The following AKAP13 variants were observed in gnomAD, a reference collection of about 807,000 sequenced individuals.
AKAP13 encodes A-kinase anchoring protein 13, also known as A-kinase anchor protein 13.
Under a neutral mutation model 264.5 loss-of-function variants are expected in AKAP13, and 80 were observed. The observed-to-expected ratio is 0.30, with a 90% confidence interval of 0.25 to 0.36. AKAP13 has a LOEUF of 0.36. Among genes scored for constraint, AKAP13 ranks in the 10% least tolerant of loss-of-function variants. The probability of loss-of-function intolerance (pLI) is 1.00; values close to 1 mark genes in which losing one functional copy is unlikely to be tolerated. For synonymous variants in AKAP13, 1,380 were observed against 1,250.2 expected (o/e 1.10, Z -2.19); for missense variants, 3,712 against 3,435.2 (o/e 1.08, Z -2.01).
At chr15:85,555,625 G>C (rs1225485977) in intron 5 of AKAP13, 2 of 535,078 alleles carry the variant, frequency 3.7e-6, no homozygotes, top group African/African-American at 3.9e-5. Context: ...GTTAGGATCA[G>C]AAAAGTGTTC....
rs576237223 is a variant in AKAP13, at chr15:85,561,342, G to A, written c.663-13789G>A. On this transcript the variant is annotated intron_variant, in intron 5 of 36. Transcript: ENST00000394518. ...CAAAGTGCTGGGATTACAGGCGTGAGCCACCATGCCCAGCCTCTGGACATA... is the reference window on the plus strand; with the variant it reads ...CAAAGTGCTGGGATTACAGGCGTGAACCACCATGCCCAGCCTCTGGACATA... Among the ~76,000 whole-genome samples the A allele has an allele frequency of 1.7e-3, 264 of 152,336 alleles. 1 individual carries two copies. Among genetic ancestry groups the A allele is most frequent in the Non-Finnish European group, 3.3e-3 (223 of 68,028 alleles).
intron 14 of AKAP13, among the ~76,000 whole-genome samples, chr15:85,679,788 G>A (rs2084482192): frequency 6.6e-6 from 1 of 152,114 alleles, no homozygotes; most frequent in South Asian, 2.1e-4. Flanking sequence ...ATAATACTTT[G>A]CAGGCTAACT....
At chr15:85,647,575 T>C (rs537574099) in intron 10 of AKAP13, among the ~76,000 whole-genome samples, 178 of 152,280 alleles carry the variant, frequency 1.2e-3, no homozygotes, top group Non-Finnish European at 2.1e-3. Context: ...GAAAGACTTA[T>C]TTAATATGAT....
chr15:85,570,052 G>A (rs1380570768), intron 5 of AKAP13, among the ~76,000 whole-genome samples: 2 of 140,468 alleles, frequency 1.4e-5, no homozygotes, highest in Non-Finnish European at 3.0e-5. Context: ...ACTCCAGCTG[G>A]GCGACAGAGC....
At chr15:85,701,194 T>C (rs1475508837) in intron 17 of AKAP13, 1 of 152,184 alleles carries the variant, frequency 6.6e-6, no homozygotes, top group Non-Finnish European at 1.5e-5. Flanking sequence ...TTTTTTAATA[T>C]GAAGTCACCC....
intron 14 of AKAP13, among the ~76,000 whole-genome samples, chr15:85,677,652 T>G (rs558714578): frequency 1.1e-3 from 160 of 151,126 alleles, no homozygotes; most frequent in African/African-American, 3.7e-3. Flanking sequence ...GTTGTGTTTT[T>G]TTTTTTTTTT....
At chr15:85,393,097 G>C (rs1394509129) in intron 1 of AKAP13, among the ~76,000 whole-genome samples, 3 of 152,192 alleles carry the variant, frequency 2.0e-5, no homozygotes, top group African/African-American at 7.2e-5. Context: ...CCTTGTCTAA[G>C]TGGGTGTGTT....
At chr15:85,438,254 T>C (rs1054090249) in intron 1 of AKAP13, among the ~76,000 whole-genome samples, 2 of 132,664 alleles carry the variant, frequency 1.5e-5, no homozygotes, top group African/African-American at 6.4e-5. Flanking sequence ...GGAATCCAAC[T>C]TAAAAGGGAT....
rs370286125 is a variant in AKAP13, at chr15:85,473,353, C to G, written c.-11-12357C>G. 1.5e-4 allele frequency among the ~76,000 whole-genome samples: 23 copies of G among 152,138 alleles called. No homozygotes were observed. The East Asian group carries it at 3.9e-3, about 26-fold the overall frequency. ...CAAGTAAGAGAAGATGTAAACCACG[C>G]AAACAAAAAGTATTTGAAAGGGAAA... On this transcript the variant is annotated intron_variant, in intron 1 of 36. Transcript: ENST00000394518.
At chr15:85,741,533 T>A (rs781118153) in intron 35 of AKAP13, 38 bp downstream of exon 35, 1 of 1,529,608 alleles carries the variant, frequency 6.5e-7, no homozygotes, top group East Asian at 2.3e-5. Flanking sequence ...CTAATGATGA[T>A]ATTAATTAAG....
At chr15:85,397,461 C>A (rs1339830103) in intron 1 of AKAP13, among the ~76,000 whole-genome samples, 3 of 152,154 alleles carry the variant, frequency 2.0e-5, no homozygotes, top group Non-Finnish European at 2.9e-5. Context: ...CTGTGAGATA[C>A]CTCGGGACTC....
chr15:85,386,840 CT>C (rs2070589805), intron 1 of AKAP13, among the ~76,000 whole-genome samples: 1 of 151,008 alleles, frequency 6.6e-6, no homozygotes, highest in Non-Finnish European at 1.5e-5. Context: ...TGATCTGTGT[CT>C]TTCATTTCTC....
At chr15:85,715,742 G>C in intron 19 of AKAP13, 46 bp from the exon 20 acceptor site, 1 of 1,568,874 alleles carries the variant, frequency 6.4e-7, no homozygotes, top group South Asian at 1.2e-5. Context: ...TCAGTACCAG[G>C]TGGAGCTGGA....
intron 1 of AKAP13, among the ~76,000 whole-genome samples, chr15:85,382,987 T>TG (rs1242122842): frequency 1.3e-5 from 2 of 152,102 alleles, no homozygotes; most frequent in African/African-American, 4.8e-5. Flanking sequence ...TGAAAAGAAG[T>TG]GGGTTTAACT....
At position 85,629,764 on chromosome 15, in the gene AKAP13, C is replaced by CTTTTTTTTTTTTTTTTTTTTTTTTTT. The variant is rs773396099; in HGVS notation, c.4162-9602_4162-9577dup. Among the ~76,000 whole-genome samples the CTTTTTTTTTTTTTTTTTTTTTTTTTT allele has an allele frequency of 5.9e-5, 3 of 50,526 alleles. 1 individual carries two copies. The highest frequency in any genetic ancestry group is 1.1e-4 in the Non-Finnish European group (3 of 26,950). The allele number at this position is 50,526 out of a possible 152,430, so 33.1% of individuals were successfully genotyped here. ...GAAATATAATGAGTTCCTTTACAGC[C>CTTTTTTTTTTTTTTTTTTTTTTTTTT]TTTTTTTTTTTTTTTTTTTTTTTTT... On this transcript the variant is annotated intron_variant, in intron 8 of 36. Transcript: ENST00000394518.
Position 85,664,652 on chromosome 15 carries a change from T to C in AKAP13, c.4889T>C (p.Leu1630Pro). The change falls in exon 13 of 37, where the codon CTC (leucine) becomes CCC (proline). Residue 1630 changes from leucine (L) to proline (P), a missense_variant. Leu to Pro is a moderately conservative substitution (Grantham distance 98, BLOSUM62 -3). Coordinates refer to ENST00000394518, the MANE Select transcript of AKAP13 (RefSeq NM_007200.5). ...GTAAGCTCTGCAAATGCCGAAGAGC[T>C]CAGACACCCATTCAGTGGTGAGGAA... ...LEVSSANAEE[L>P]RHPFSGEERV... The C allele has an allele frequency of 6.2e-7, 1 of 1,614,146 alleles. No individual in the cohort carries two copies.
intron 12 of AKAP13, among the ~76,000 whole-genome samples, chr15:85,660,323 A>T (rs999919747): frequency 1.3e-4 from 18 of 133,586 alleles, no homozygotes; most frequent in Admixed American, 1.0e-3. Flanking sequence ...ACTGCACTCC[A>T]GCCTGGGTGA....
At chr15:85,738,090 CTGTTTAT>C (rs956297782) in intron 33 of AKAP13, among the ~76,000 whole-genome samples, 19 of 152,098 alleles carry the variant, frequency 1.2e-4, no homozygotes, top group African/African-American at 4.3e-4. Context: ...TCTGTTACTT[CTGTTTAT>C]TAAGAATAAA....
At chr15:85,595,226 A>G (rs2079764015) in intron 8 of AKAP13, among the ~76,000 whole-genome samples, 1 of 152,020 alleles carries the variant, frequency 6.6e-6, no homozygotes, top group Non-Finnish European at 1.5e-5. Flanking sequence ...CAGCCTCCAG[A>G]ATAGCTGAGA....
Sources: gnomAD v4.1 joint callset for allele counts (sites outside exome capture counted in the v4.1 genomes callset) on GRCh38, gnomAD v4.1.1 for gene constraint, MANE v1.5 for transcripts, NCBI Gene and HGNC (gene_info 2026-07-23, HGNC 2026-07-21) for gene names.